STARD13: variants seen among roughly 807,000 people sequenced by gnomAD.
The protein encoded by STARD13 is stAR-related lipid transfer protein 13.
In STARD13, 62 loss-of-function variants were observed where a neutral mutation model predicts 106.4. The observed-to-expected ratio is 0.58, with a 90% CI of 0.48 to 0.72. The LOEUF (loss-of-function observed/expected upper bound fraction) is 0.72, where lower values mean the gene tolerates loss of function less well. Ranked by LOEUF, STARD13 falls within the 30% of genes least tolerant of loss-of-function variation. STARD13 has a pLI of 0.00. For synonymous variants in STARD13, 565 were observed against 553.0 expected (o/e 1.02, Z -0.31); for missense variants, 1,387 against 1,424.0 (o/e 0.97, Z 0.42).
chr13:33,462,853 T>A, the STARD13 span, among the ~76,000 whole-genome samples: 1 of 152,060 alleles, frequency 6.6e-6, no homozygotes, highest in African/African-American at 2.4e-5. Flanking sequence ...AATGTTAATC[T>A]CCTTTGGCAA....
the STARD13 span, among the ~76,000 whole-genome samples, chr13:33,364,860 G>C: frequency 6.6e-6 from 1 of 152,132 alleles, no homozygotes; most frequent in South Asian, 2.1e-4. Flanking sequence ...CTGCACTCCA[G>C]CCTGGGAGAC....
At chr13:33,659,349 G>A in the STARD13 span, among the ~76,000 whole-genome samples, 3 of 151,572 alleles carry the variant, frequency 2.0e-5, no homozygotes, top group Non-Finnish European at 4.4e-5. Context: ...CTGAGTAGCT[G>A]CGACTACAGG....
the STARD13 span, chr13:33,676,552 T>G: frequency 6.6e-6 from 1 of 152,194 alleles, no homozygotes. Flanking sequence ...TGAGCTGTTA[T>G]TCCTAAAGGC....
At chr13:33,406,718 T>G in the STARD13 span, among the ~76,000 whole-genome samples, 15 of 152,162 alleles carry the variant, frequency 9.9e-5, no homozygotes, top group Non-Finnish European at 8.8e-5. Context: ...GGGAGCCATT[T>G]TAAACAGTGA....
the STARD13 span, among the ~76,000 whole-genome samples, chr13:33,496,553 A>C: frequency 6.6e-6 from 1 of 152,004 alleles, no homozygotes; most frequent in South Asian, 2.1e-4. Context: ...TGTTATAAAA[A>C]TTTGTTTAGG....
At chr13:33,184,934 C>T (rs1247359232) in intron 1 of STARD13, among the ~76,000 whole-genome samples, 2 of 152,154 alleles carry the variant, frequency 1.3e-5, no homozygotes, top group Admixed American at 1.3e-4. Flanking sequence ...ATATAACATG[C>T]CCATACTTCT....
chr13:33,252,830 G>A (rs1302912273), intron 1 of STARD13, among the ~76,000 whole-genome samples: 2 of 152,178 alleles, frequency 1.3e-5, no homozygotes, highest in Non-Finnish European at 2.9e-5. Flanking sequence ...GCCAGTAGGT[G>A]GTACGACGAG....
At chr13:33,175,353 T>G (rs1352926564) in intron 1 of STARD13, among the ~76,000 whole-genome samples, 2 of 152,174 alleles carry the variant, frequency 1.3e-5, no homozygotes. Context: ...GCAACTGAAA[T>G]GCAAGGCAGG....
the STARD13 span, among the ~76,000 whole-genome samples, chr13:33,443,071 C>T: frequency 2.0e-5 from 3 of 152,034 alleles, no homozygotes; most frequent in Non-Finnish European, 4.4e-5. Flanking sequence ...TACCACTGAA[C>T]TGTACACTTA....
the STARD13 span, among the ~76,000 whole-genome samples, chr13:33,447,329 C>T: frequency 1.3e-5 from 2 of 152,206 alleles, no homozygotes; most frequent in African/African-American, 4.8e-5. Flanking sequence ...AGCAGCTGAG[C>T]ATGATGCTGC....
At chr13:33,553,348 G>A in the STARD13 span, among the ~76,000 whole-genome samples, 371 of 151,940 alleles carry the variant, frequency 2.4e-3, 1 homozygote, top group African/African-American at 8.6e-3. Context: ...AGTTATTAAA[G>A]TAATTTTAAG....
intron 1 of STARD13, among the ~76,000 whole-genome samples, chr13:33,326,719 T>G (rs891937158): frequency 8.5e-5 from 13 of 152,220 alleles, no homozygotes; most frequent in Admixed American, 3.3e-4. Context: ...GTATTAAAAC[T>G]TGGGAATTAA....
chr13:33,298,296 ATT>A (rs10718236), intron 1 of STARD13, among the ~76,000 whole-genome samples: 227 of 137,866 alleles, frequency 1.6e-3, no homozygotes, highest in Admixed American at 4.8e-3. Context: ...TGCTCAGCTA[ATT>A]TTTTTTTTTT....
At chr13:33,196,051 T>C (rs944456036) in intron 1 of STARD13, among the ~76,000 whole-genome samples, 1 of 152,236 alleles carries the variant, frequency 6.6e-6, no homozygotes, top group African/African-American at 2.4e-5. Context: ...AGAAATGTTA[T>C]CTGTGTTTAA....
At chr13:33,416,831 T>TA in the STARD13 span, among the ~76,000 whole-genome samples, 1 of 152,024 alleles carries the variant, frequency 6.6e-6, no homozygotes, top group Non-Finnish European at 1.5e-5. Context: ...AGCAACAAGA[T>TA]AAAAAATAGA....
the STARD13 span, chr13:33,524,124 C>A: frequency 2.2e-6 from 1 of 455,024 alleles, no homozygotes; most frequent in Non-Finnish European, 3.0e-6. Flanking sequence ...AAAAAACAAA[C>A]AAGAAAAATA....
At chr13:33,663,859 T>A in the STARD13 span, among the ~76,000 whole-genome samples, 1 of 152,174 alleles carries the variant, frequency 6.6e-6, no homozygotes, top group South Asian at 2.1e-4. Context: ...TCCAAATGCC[T>A]CTTAATGAGT....
At chr13:33,591,428 G>A in the STARD13 span, among the ~76,000 whole-genome samples, 13 of 152,154 alleles carry the variant, frequency 8.5e-5, no homozygotes, top group African/African-American at 3.1e-4. Flanking sequence ...TATATCCCCT[G>A]CCATAATATA....
chr13:33,354,244 T>C (rs2078105727), upstream of STARD13, among the ~76,000 whole-genome samples: 1 of 152,228 alleles, frequency 6.6e-6, no homozygotes, highest in South Asian at 2.1e-4. Flanking sequence ...AAGAGTCCCA[T>C]TTGAAAGCTC....
Sources: gnomAD v4.1 joint callset for allele counts (sites outside exome capture counted in the v4.1 genomes callset) on GRCh38, gnomAD v4.1.1 for gene constraint, MANE v1.5 for transcripts, NCBI Gene and HGNC (gene_info 2026-07-23, HGNC 2026-07-21) for gene names.